The following VTA1 variants were observed in gnomAD, a reference collection of about 807,000 sequenced individuals.
The protein encoded by VTA1 is vesicle trafficking 1, also known as vacuolar protein sorting-associated protein VTA1 homolog.
Under a neutral mutation model 36.9 loss-of-function variants are expected in VTA1, and 24 were observed. The observed-to-expected ratio is 0.65, with a 90% confidence interval of 0.47 to 0.91. The LOEUF is 0.91. Among genes scored for constraint, VTA1 ranks in the 40% least tolerant of loss-of-function variants. The pLI, the probability that VTA1 is intolerant of heterozygous loss-of-function variation, is 0.00. For missense variants in VTA1, 393 were observed against 377.2 expected (o/e 1.04, Z -0.35); for synonymous variants, 142 against 130.2 (o/e 1.09, Z -0.62).
At chr6:142,199,398 C>G (rs555749290) in intron 6 of VTA1, among the ~76,000 whole-genome samples, 1 of 152,056 alleles carries the variant, frequency 6.6e-6, no homozygotes, top group South Asian at 2.1e-4. Flanking sequence ...TTAATTTTTT[C>G]AAAAACTTTT....
At chr6:142,154,868 T>TA (rs943523435) in intron 1 of VTA1, among the ~76,000 whole-genome samples, 4 of 152,094 alleles carry the variant, frequency 2.6e-5, no homozygotes, top group African/African-American at 9.7e-5. Context: ...GTAACAGCGT[T>TA]ACTCTGGTTT....
intron 1 of VTA1, among the ~76,000 whole-genome samples, chr6:142,150,218 T>C (rs1582872537): frequency 6.6e-6 from 1 of 152,348 alleles, no homozygotes; most frequent in East Asian, 1.9e-4. Flanking sequence ...CTGCTATATT[T>C]GTGGGCCTGA....
rs1478160844 is a variant in VTA1, at chr6:142,168,915, C to T, written c.208-635C>T. 3.3e-5 allele frequency among the ~76,000 whole-genome samples: 5 copies of T among 151,750 alleles called. 1 individual carries two copies. The South Asian group carries it at 6.3e-4, about 19-fold the overall frequency. On this transcript the variant is annotated intron_variant, in intron 2 of 7. Transcript: ENST00000367630. ...CCGAGTAGCTGGGACTACAGCTGCC[C>T]GCCACCATGCCCAGCTAATTTCTTT... is the stretch of plus-strand genomic sequence containing the variant.
intron 4 of VTA1, among the ~76,000 whole-genome samples, chr6:142,178,437 G>T (rs1775166923): frequency 6.6e-6 from 1 of 152,032 alleles, no homozygotes; most frequent in African/African-American, 2.4e-5. Flanking sequence ...CTGCACTAAA[G>T]ATCCAAAGAA....
intron 6 of VTA1, among the ~76,000 whole-genome samples, chr6:142,201,203 G>GT (rs1775678791): frequency 6.6e-6 from 1 of 151,640 alleles, no homozygotes; most frequent in Non-Finnish European, 1.5e-5. Flanking sequence ...ATTTGAAACA[G>GT]TAAAAAAAGT....
chr6:142,188,495 GA>G (rs1447173728), intron 4 of VTA1, among the ~76,000 whole-genome samples: 1 of 152,104 alleles, frequency 6.6e-6, no homozygotes, highest in Admixed American at 6.5e-5. Flanking sequence ...TTACAGGCAT[GA>G]GCCACCGTGC....
chr6:142,172,038 C>CT (rs1222905441), intron 4 of VTA1, among the ~76,000 whole-genome samples: 1 of 152,056 alleles, frequency 6.6e-6, no homozygotes, highest in Non-Finnish European at 1.5e-5. Flanking sequence ...GAGACTGAGT[C>CT]TCTCGCTCTG....
At position 142,221,812 on chromosome 6, in the gene VTA1, A is replaced by T. The variant is rs908835972; in HGVS notation, c.*3169A>T. 4.7e-5 allele frequency: 7 copies of T among 148,076 alleles called. No homozygotes were observed. Among genetic ancestry groups the T allele is most frequent in the African/African-American group, 1.7e-4 (7 of 40,768 alleles). 9.2% of individuals were successfully genotyped at this position (148,076 alleles called of 1,614,324 possible). ...ATCATAAATATATTAATAAATATATAATATATATATTAGCCTGGCATGGTG... is the reference window on the plus strand; with the variant it reads ...ATCATAAATATATTAATAAATATATTATATATATATTAGCCTGGCATGGTG... On this transcript the variant is annotated 3_prime_UTR_variant, in exon 8 of 8. Transcript: ENST00000367630.
At chr6:142,179,914 C>T (rs1330062921) in intron 4 of VTA1, among the ~76,000 whole-genome samples, 1 of 151,990 alleles carries the variant, frequency 6.6e-6, no homozygotes, top group Non-Finnish European at 1.5e-5. Context: ...AGTTTTCTCA[C>T]TTTTGGGGAA....
intron 5 of VTA1, among the ~76,000 whole-genome samples, chr6:142,196,565 GT>G (rs1283969579): frequency 6.6e-6 from 1 of 151,396 alleles, no homozygotes; most frequent in Admixed American, 6.6e-5. Context: ...AATACCATCT[GT>G]TTTTTTTCTC....
chr6:142,153,215 T>G (rs1444075567), intron 1 of VTA1, among the ~76,000 whole-genome samples: 2 of 152,098 alleles, frequency 1.3e-5, no homozygotes, highest in Admixed American at 6.5e-5. Context: ...GTAAACTCTA[T>G]GAGAACAAGA....
intron 6 of VTA1, among the ~76,000 whole-genome samples, chr6:142,199,394 T>A (rs1775634218): frequency 6.6e-6 from 1 of 152,134 alleles, no homozygotes; most frequent in African/African-American, 2.4e-5. Context: ...ACATTTAATT[T>A]TTTCAAAAAC....
At chr6:142,216,925 G>A (rs1236553470) in intron 7 of VTA1, among the ~76,000 whole-genome samples, 1 of 152,122 alleles carries the variant, frequency 6.6e-6, no homozygotes, top group East Asian at 1.9e-4. Flanking sequence ...TAGCGTTAAG[G>A]TAAACTCAAT....
chr6:142,214,678 T>G lies in VTA1; in HGVS notation c.779-3820T>G, dbSNP rs191764126. Among the ~76,000 whole-genome samples the G allele has an allele frequency of 9.5e-4, 145 of 152,266 alleles. 2 individuals carry two copies. The highest frequency in any genetic ancestry group is 4.4e-5 in the Non-Finnish European group (3 of 68,006). The stretch of plus-strand genomic sequence containing the variant: ...ACAACGTCAAGAGTAAACCCTAACA[T>G]AGACTCTGGGTAATACTGATGGATC... On this transcript the variant is annotated intron_variant, in intron 7 of 7. Transcript: ENST00000367630.
intron 1 of VTA1, among the ~76,000 whole-genome samples, chr6:142,148,717 T>C (rs566981179): frequency 1.3e-5 from 2 of 152,226 alleles, no homozygotes; most frequent in Admixed American, 6.5e-5. Flanking sequence ...TCAGGAGTAG[T>C]GGTGGCAGGG....
intron 4 of VTA1, 84 bp downstream of exon 4, chr6:142,170,505 A>G (rs1775009076): frequency 1.1e-6 from 1 of 901,480 alleles, no homozygotes. Flanking sequence ...TTGTTTATTT[A>G]CAGCAGAATG....
intron 1 of VTA1, among the ~76,000 whole-genome samples, chr6:142,157,662 A>G (rs937664948): frequency 2.0e-5 from 3 of 152,146 alleles, no homozygotes; most frequent in Admixed American, 6.5e-5. Flanking sequence ...TTTGTCTTCT[A>G]TGACAATTAT....
chr6:142,152,894 C>G (rs225630), intron 1 of VTA1, among the ~76,000 whole-genome samples: 53,969 of 151,866 alleles, frequency 0.36, 10,803 homozygotes, highest in Middle Eastern at 0.52. Flanking sequence ...CATAAAAGCT[C>G]CATGGGCTAT....
At chr6:142,183,265 A>C (rs778623478) in intron 4 of VTA1, among the ~76,000 whole-genome samples, 5 of 152,206 alleles carry the variant, frequency 3.3e-5, no homozygotes, top group African/African-American at 7.2e-5. Flanking sequence ...AAAATCAAAG[A>C]GGAAGAATTA....
Sources: allele counts gnomAD v4.1 joint callset (sites outside exome capture counted in the v4.1 genomes callset), GRCh38; gene constraint gnomAD v4.1.1; transcripts MANE v1.5; gene names NCBI Gene and HGNC (gene_info 2026-07-23, HGNC 2026-07-21).